Variants in PDE4D observed in about 807,000 individuals in gnomAD.
PDE4D encodes the protein 3',5'-cyclic-AMP phosphodiesterase 4D.
A neutral mutation model predicts 87.4 loss-of-function variants in PDE4D; 24 were observed. The observed-to-expected ratio is 0.27, with a 90% CI of 0.20 to 0.39. PDE4D has a LOEUF of 0.39. Ranked by LOEUF, PDE4D falls within the 10% of genes least tolerant of loss-of-function variation. The probability of loss-of-function intolerance (pLI) is 1.00; values close to 1 mark genes in which losing one functional copy is unlikely to be tolerated. For missense variants in PDE4D, 714 were observed against 1,041.0 expected, an observed-to-expected ratio of 0.69 and a Z score of 4.32; for synonymous variants, 384 against 383.2, an observed-to-expected ratio of 1.00 and a Z score of -0.02.
intron 1 of PDE4D, among the ~76,000 whole-genome samples, chr5:60,324,253 A>G (rs1756573093): frequency 6.6e-6 from 1 of 152,226 alleles, no homozygotes; most frequent in South Asian, 2.1e-4. Context: ...TCTGAATTTG[A>G]ATATTTTCGA....
chr5:59,311,222 G>A (rs1772527023), intron 1 of PDE4D, among the ~76,000 whole-genome samples: 1 of 152,028 alleles, frequency 6.6e-6, no homozygotes, highest in Non-Finnish European at 1.5e-5. Flanking sequence ...CAAGGTATAA[G>A]GGGATCAGGA....
chr5:59,901,991 AG>A (rs1371804481), intron 3 of PDE4D, among the ~76,000 whole-genome samples: 3 of 150,154 alleles, frequency 2.0e-5, no homozygotes, highest in Non-Finnish European at 4.5e-5. Flanking sequence ...GACATGCACC[AG>A]ACTGTTCATA....
intron 1 of PDE4D, among the ~76,000 whole-genome samples, chr5:59,404,984 G>A (rs1791368824): frequency 6.6e-6 from 1 of 152,108 alleles, no homozygotes; most frequent in African/African-American, 2.4e-5. Flanking sequence ...GGTTACTATA[G>A]CTCTGTAGTG....
chr5:59,604,358 T>A (rs959805238), intron 1 of PDE4D, among the ~76,000 whole-genome samples: 1 of 152,076 alleles, frequency 6.6e-6, no homozygotes, highest in African/African-American at 2.4e-5. Flanking sequence ...TTGTTTCCCT[T>A]GATTCCTCAG....
chr5:60,431,452 C>T (rs1054301885), intron 1 of PDE4D, among the ~76,000 whole-genome samples: 2 of 148,512 alleles, frequency 1.3e-5, no homozygotes, highest in Admixed American at 6.7e-5. Flanking sequence ...GGGGCAGAGG[C>T]TCTCCCCACA....
intron 1 of PDE4D, among the ~76,000 whole-genome samples, chr5:59,593,142 C>G (rs1383670754): frequency 6.6e-6 from 1 of 151,360 alleles, no homozygotes; most frequent in African/African-American, 2.4e-5. Context: ...TCAAAACTAC[C>G]TTCTGAAATG....
chr5:59,768,516 G>T (rs372156525), intron 1 of PDE4D: 1 of 1,597,898 alleles, frequency 6.3e-7, no homozygotes, highest in African/African-American at 1.3e-5. Context: ...CCATTTTCCT[G>T]GTCAACTTTG....
chr5:59,667,148 A>C (rs1746206717), intron 1 of PDE4D, among the ~76,000 whole-genome samples: 1 of 152,210 alleles, frequency 6.6e-6, no homozygotes, highest in African/African-American at 2.4e-5. Context: ...TGATTTGCCA[A>C]CTGAAGTCCA....
intron 2 of PDE4D, among the ~76,000 whole-genome samples, chr5:60,169,409 T>C (rs1460838410): frequency 1.3e-5 from 2 of 152,106 alleles, no homozygotes; most frequent in African/African-American, 4.8e-5. Flanking sequence ...TTTCAAAATA[T>C]CTTAAATGAA....
intron 1 of PDE4D, among the ~76,000 whole-genome samples, chr5:59,240,779 A>AAC (rs747637745): frequency 0.011 from 836 of 78,100 alleles, 10 homozygotes; most frequent in African/African-American, 0.029. Flanking sequence ...AAAATTCACA[A>AAC]ACACACACAC....
chr5:59,002,636 C>T (rs1392544247), intron 6 of PDE4D, among the ~76,000 whole-genome samples: 1 of 152,156 alleles, frequency 6.6e-6, no homozygotes, highest in East Asian at 1.9e-4. Flanking sequence ...CCAGCCACCC[C>T]AGCCCAGAGC....
At position 60,200,049 on chromosome 5, in the gene PDE4D, G is replaced by A. The variant is rs562120509; in HGVS notation, c.-89-14362C>T. ...AGCACTCAATTGGAAAATGGCACAT[G>A]AACCAAAGTCCACTTCACTCCTAAC... On this transcript the variant is annotated intron_variant, in intron 1 of 16. Transcript: ENST00000502484. Among the ~76,000 whole-genome samples the A allele has an allele frequency of 4.4e-4, 66 of 151,698 alleles. 2 individuals carry two copies. The highest frequency in any genetic ancestry group is 1.4e-3 in the African/African-American group (60 of 41,500).
intron 2 of PDE4D, among the ~76,000 whole-genome samples, chr5:60,024,146 A>C (rs1766381688): frequency 6.6e-6 from 1 of 152,204 alleles, no homozygotes; most frequent in Non-Finnish European, 1.5e-5. Context: ...AGAATTTTCT[A>C]ATTCAACTAT....
intron 1 of PDE4D, among the ~76,000 whole-genome samples, chr5:59,472,243 T>C (rs535445803): frequency 6.6e-6 from 1 of 152,286 alleles, no homozygotes; most frequent in African/African-American, 2.4e-5. Flanking sequence ...AAGCATCCAA[T>C]GACAATCTTA....
intron 1 of PDE4D, among the ~76,000 whole-genome samples, chr5:60,478,309 A>G (rs1022951985): frequency 2.0e-5 from 3 of 152,196 alleles, no homozygotes; most frequent in African/African-American, 7.2e-5. Context: ...AATTATAAAA[A>G]TGGGGTGATT....
At chr5:59,656,311 AGTT>A (rs1188671399) in intron 1 of PDE4D, among the ~76,000 whole-genome samples, 1 of 152,220 alleles carries the variant, frequency 6.6e-6, no homozygotes, top group Non-Finnish European at 1.5e-5. Flanking sequence ...AGGGAAGAAA[AGTT>A]GTGAGTTTGC....
intron 1 of PDE4D, among the ~76,000 whole-genome samples, chr5:60,352,889 G>T (rs7737905): frequency 0.4 from 61,386 of 152,014 alleles, 14,378 homozygotes; most frequent in African/African-American, 0.65. Context: ...TCCCACAAAT[G>T]TCCATGAAAT....
chr5:60,266,971 G>T (rs954466257), intron 1 of PDE4D, among the ~76,000 whole-genome samples: 10 of 152,178 alleles, frequency 6.6e-5, no homozygotes, highest in African/African-American at 2.4e-4. Flanking sequence ...ATGTGTTTCT[G>T]CCCAGATTGT....
intron 1 of PDE4D, among the ~76,000 whole-genome samples, chr5:59,266,055 A>C (rs1762805407): frequency 6.6e-6 from 1 of 152,048 alleles, no homozygotes; most frequent in Non-Finnish European, 1.5e-5. Flanking sequence ...CTGACAGACT[A>C]ATTTTTAGCT....
Sources: allele counts gnomAD v4.1 joint callset (sites outside exome capture counted in the v4.1 genomes callset), GRCh38; gene constraint gnomAD v4.1.1; transcripts MANE v1.5; gene names NCBI Gene and HGNC (gene_info 2026-07-23, HGNC 2026-07-21).